CNTNAP5: variants seen among roughly 807,000 people sequenced by gnomAD.
The protein encoded by CNTNAP5 is contactin associated protein family member 5.
A neutral mutation model predicts 150.2 loss-of-function variants in CNTNAP5; 72 were observed. The observed-to-expected ratio is 0.48, with a 90% CI of 0.40 to 0.58. The LOEUF (loss-of-function observed/expected upper bound fraction) is 0.58, where lower values mean the gene tolerates loss of function less well. CNTNAP5 is among the 20% of genes least tolerant of loss of function. The pLI, the probability that CNTNAP5 is intolerant of heterozygous loss-of-function variation, is 0.00. For missense variants in CNTNAP5, 1,636 were observed against 1,626.2 expected, an observed-to-expected ratio of 1.01 and a Z score of -0.10; for synonymous variants, 672 against 619.8, an observed-to-expected ratio of 1.08 and a Z score of -1.25.
At chr2:124,478,518 A>T (rs76381612) in intron 7 of CNTNAP5, among the ~76,000 whole-genome samples, 1 of 152,128 alleles carries the variant, frequency 6.6e-6, no homozygotes, top group African/African-American at 2.4e-5. Context: ...ATACACTTGC[A>T]CATGTACACA....
At chr2:124,472,655 TA>T (rs1407537669) in intron 6 of CNTNAP5, among the ~76,000 whole-genome samples, 22 of 151,886 alleles carry the variant, frequency 1.4e-4, no homozygotes, top group Middle Eastern at 3.5e-3. Flanking sequence ...ATAAAGTGAA[TA>T]TTGAAATAAT....
At chr2:124,380,334 A>G (rs1334286154) in intron 3 of CNTNAP5, among the ~76,000 whole-genome samples, 3 of 152,170 alleles carry the variant, frequency 2.0e-5, no homozygotes, top group Non-Finnish European at 4.4e-5. Flanking sequence ...AGATTCAAAG[A>G]CAGGTTCCTC....
intron 6 of CNTNAP5, among the ~76,000 whole-genome samples, chr2:124,459,261 C>T (rs140265509): frequency 6.6e-6 from 1 of 152,272 alleles, no homozygotes; most frequent in African/African-American, 2.4e-5. Context: ...TGAGTCTTGG[C>T]AGGACACCTC....
intron 11 of CNTNAP5, among the ~76,000 whole-genome samples, chr2:124,599,678 C>A (rs142489290): frequency 6.6e-6 from 1 of 152,206 alleles, no homozygotes; most frequent in East Asian, 1.9e-4. Flanking sequence ...ATTTGAGAAA[C>A]CATTTACTCT....
At chr2:124,400,825 A>T (rs1243879142) in intron 3 of CNTNAP5, among the ~76,000 whole-genome samples, 1 of 151,996 alleles carries the variant, frequency 6.6e-6, no homozygotes, top group Non-Finnish European at 1.5e-5. Context: ...AAATATAAAT[A>T]TATGACACTG....
At chr2:124,714,698 A>C (rs1679909001) in intron 13 of CNTNAP5, among the ~76,000 whole-genome samples, 1 of 151,434 alleles carries the variant, frequency 6.6e-6, no homozygotes. Context: ...TATATATTGT[A>C]CTTTATACTA....
At chr2:124,131,472 G>A (rs1573777296) in intron 1 of CNTNAP5, among the ~76,000 whole-genome samples, 1 of 152,210 alleles carries the variant, frequency 6.6e-6, no homozygotes, top group Non-Finnish European at 1.5e-5. Flanking sequence ...GTGACTGCCA[G>A]ATGTGGGATT....
chr2:124,202,668 A>C (rs1288915952), intron 1 of CNTNAP5, among the ~76,000 whole-genome samples: 1 of 152,220 alleles, frequency 6.6e-6, no homozygotes, highest in African/African-American at 2.4e-5. Context: ...TCATGGCAAA[A>C]TGCAAAAGAG....
chr2:124,840,215 T>C (rs894383357), intron 19 of CNTNAP5, among the ~76,000 whole-genome samples: 1 of 152,046 alleles, frequency 6.6e-6, no homozygotes, highest in Non-Finnish European at 1.5e-5. Context: ...ACTGTGTTGA[T>C]AGCTAAGGAT....
intron 1 of CNTNAP5, among the ~76,000 whole-genome samples, chr2:124,166,546 C>T (rs940755288): frequency 2.6e-5 from 4 of 152,120 alleles, no homozygotes; most frequent in African/African-American, 9.7e-5. Context: ...TACTTATTGT[C>T]AATTTTCTGT....
intron 6 of CNTNAP5, among the ~76,000 whole-genome samples, chr2:124,449,949 G>T (rs1363082335): frequency 6.6e-6 from 1 of 152,090 alleles, no homozygotes; most frequent in African/African-American, 2.4e-5. Flanking sequence ...CCACTAACTG[G>T]CTGTGTAAAC....
intron 1 of CNTNAP5, among the ~76,000 whole-genome samples, chr2:124,118,430 T>C (rs1160502469): frequency 1.3e-5 from 2 of 152,114 alleles, no homozygotes; most frequent in Non-Finnish European, 2.9e-5. Flanking sequence ...CTGGGCAGAT[T>C]GAAGGGATAG....
chr2:124,530,021 T>C (rs543046924), intron 10 of CNTNAP5, among the ~76,000 whole-genome samples: 49 of 152,288 alleles, frequency 3.2e-4, no homozygotes, highest in African/African-American at 9.1e-4. Context: ...ACATCTAAAG[T>C]AGAATTCTGG....
At chr2:124,274,402 T>TC (rs1432614571) in intron 3 of CNTNAP5, among the ~76,000 whole-genome samples, 1 of 152,148 alleles carries the variant, frequency 6.6e-6, no homozygotes, top group Non-Finnish European at 1.5e-5. Flanking sequence ...CACCGCTTTT[T>TC]CCCTCCCTCA....
At chr2:124,163,188 T>A (rs1684726700) in intron 1 of CNTNAP5, among the ~76,000 whole-genome samples, 1 of 152,132 alleles carries the variant, frequency 6.6e-6, no homozygotes, top group South Asian at 2.1e-4. Context: ...AATGAGATCA[T>A]GAGGAACTGG....
intron 13 of CNTNAP5, among the ~76,000 whole-genome samples, chr2:124,736,792 G>T (rs1044739908): frequency 1.3e-5 from 2 of 151,962 alleles, no homozygotes; most frequent in African/African-American, 4.8e-5. Context: ...ATCTTTCTGG[G>T]TTGTTTCTTT....
chr2:124,291,864 T>C (rs1688303106), intron 3 of CNTNAP5, among the ~76,000 whole-genome samples: 1 of 152,212 alleles, frequency 6.6e-6, no homozygotes, highest in South Asian at 2.1e-4. Context: ...GTGTCCAACA[T>C]GGTGTGGTCT....
chr2:124,474,694 T>A (rs1224457215), intron 6 of CNTNAP5, 45 bp from the exon 7 acceptor site: 3 of 1,480,148 alleles, frequency 2.0e-6, no homozygotes, highest in East Asian at 2.5e-5. Context: ...TCCTAATCTT[T>A]CTGAGCTTAA....
chr2:124,306,917 G>A (rs780008), intron 3 of CNTNAP5, among the ~76,000 whole-genome samples: 2,722 of 151,482 alleles, frequency 0.018, 81 homozygotes, highest in African/African-American at 0.061. Flanking sequence ...TAGTAGAGAC[G>A]GGGTTTCACC....
Sources: allele counts gnomAD v4.1 joint callset (sites outside exome capture counted in the v4.1 genomes callset), GRCh38; gene constraint gnomAD v4.1.1; transcripts MANE v1.5; gene names NCBI Gene and HGNC (gene_info 2026-07-23, HGNC 2026-07-21).